The following NGEF variants were observed in gnomAD, a reference collection of about 807,000 sequenced individuals.
The protein encoded by NGEF is neuronal guanine nucleotide exchange factor.
Under a neutral mutation model 80.9 loss-of-function variants are expected in NGEF, and 31 were observed. The observed-to-expected ratio is 0.38, with a 90% CI of 0.29 to 0.52. The LOEUF (loss-of-function observed/expected upper bound fraction) is 0.52. Ranked by LOEUF, NGEF falls within the 20% of genes least tolerant of loss-of-function variation. The probability of loss-of-function intolerance (pLI) is 0.84; values close to 1 mark genes in which losing one functional copy is unlikely to be tolerated. For missense variants in NGEF, 709 were observed against 926.2 expected (o/e 0.77, Z 3.04); for synonymous variants, 371 against 370.2 (o/e 1.00, Z -0.03).
rs1017934677 is a variant in NGEF at position 232,892,624 on chromosome 2, C to T, written c.1142+274G>A. Among the ~76,000 whole-genome samples the T allele has an allele frequency of 6.6e-6, 1 of 152,200 alleles. No individual in the cohort carries two copies. The highest frequency in any genetic ancestry group is 1.5e-5 in the Non-Finnish European group (1 of 68,036). On this transcript the variant is annotated intron_variant, in intron 7 of 14. Transcript: ENST00000264051. This position sits in a 1 kb window ranked among gnomAD's most constrained non-coding sequence, Gnocchi z 4.0. ...TTTTCTAACTGCACAGTGCTCTGCT[C>T]AGCCATTGGATCCAGGTCCAGTGGA...
chr2:232,993,104 TAA>T (rs774631664), intron 1 of NGEF, among the ~76,000 whole-genome samples: 25,160 of 59,072 alleles, frequency 0.43, 3,460 homozygotes, highest in Non-Finnish European at 0.49. Context: ...TATAAATAAA[TAA>T]ATATATATAT....
intron 5 of NGEF, among the ~76,000 whole-genome samples, chr2:232,902,333 AGAGCCC>A (rs1033948618): frequency 1.3e-5 from 2 of 152,248 alleles, no homozygotes; most frequent in Non-Finnish European, 2.9e-5. Flanking sequence ...CTCCAGAGCC[AGAGCCC>A]GAGCCCAGCC....
At chr2:232,919,436 A>G (rs1692887021) in intron 5 of NGEF, among the ~76,000 whole-genome samples, 1 of 151,942 alleles carries the variant, frequency 6.6e-6, no homozygotes. Context: ...TTAAAAACCA[A>G]ATCTCTTTTT....
At chr2:232,958,115 G>C (rs1056582587) in intron 3 of NGEF, among the ~76,000 whole-genome samples, 2 of 152,182 alleles carry the variant, frequency 1.3e-5, no homozygotes, top group African/African-American at 2.4e-5. Context: ...GCCAGTGATG[G>C]GACCTCAGCT....
intron 3 of NGEF, among the ~76,000 whole-genome samples, chr2:232,935,330 A>G (rs1693306978): frequency 2.0e-5 from 3 of 152,226 alleles, no homozygotes; most frequent in African/African-American, 7.2e-5. Flanking sequence ...TTAGAAACTC[A>G]AGACCTGCCA....
intron 12 of NGEF, among the ~76,000 whole-genome samples, chr2:232,882,864 C>T (rs913132771): frequency 2.6e-5 from 4 of 152,182 alleles, no homozygotes; most frequent in Non-Finnish European, 4.4e-5. Context: ...GCTTGTCCCT[C>T]GTGGGGGGCC....
chr2:232,993,533 A>T (rs571509132), intron 1 of NGEF, among the ~76,000 whole-genome samples: 12 of 152,276 alleles, frequency 7.9e-5, no homozygotes, highest in African/African-American at 2.9e-4. Flanking sequence ...GATCAAACAT[A>T]GAGTTACCAT....
At chr2:232,882,140 G>A in intron 13 of NGEF, 46 bp downstream of exon 13, 1 of 1,566,092 alleles carries the variant, frequency 6.4e-7, no homozygotes, top group Admixed American at 1.7e-5. Flanking sequence ...ATCCGGCAGG[G>A]CCAGCCCAAG....
chr2:232,880,420 G>C (rs992024334), intron 14 of NGEF, among the ~76,000 whole-genome samples: 5 of 152,242 alleles, frequency 3.3e-5, no homozygotes, highest in African/African-American at 1.2e-4. Context: ...CATGGGAAGA[G>C]GGCAGGAGAG....
intron 1 of NGEF, among the ~76,000 whole-genome samples, chr2:232,989,171 G>C (rs957255845): frequency 6.6e-6 from 1 of 152,170 alleles, no homozygotes; most frequent in Non-Finnish European, 1.5e-5. Flanking sequence ...ATGTCGGCCA[G>C]GTGCGGTGGC....
chr2:232,879,487 G>A lies in NGEF; in HGVS notation c.*2C>T, dbSNP rs1691418281. ...TGCTCCCGCTGGCCCCCTGGGTGGG[G>A]GTCATTGCCGATTCCGGCTGCCCAG... On this transcript the variant is annotated 3_prime_UTR_variant, in exon 15 of 15. Transcript: ENST00000264051. 1 of 1,606,248 alleles carries A rather than the reference G, an allele frequency of 6.2e-7. No homozygotes were observed. The highest frequency in any genetic ancestry group is 1.3e-5 in the African/African-American group (1 of 74,802).
intron 1 of NGEF, among the ~76,000 whole-genome samples, chr2:232,980,408 C>A (rs776291419): frequency 1.3e-5 from 2 of 152,130 alleles, no homozygotes; most frequent in African/African-American, 2.4e-5. Context: ...TAGACTGGAT[C>A]TCATCCAAGT....
At chr2:232,928,962 G>A (rs1477796438) in intron 3 of NGEF, among the ~76,000 whole-genome samples, 1 of 152,098 alleles carries the variant, frequency 6.6e-6, no homozygotes, top group African/African-American at 2.4e-5. Flanking sequence ...GCCGCCCTCT[G>A]CTCAGGGATC....
chr2:232,959,098 A>G (rs1319033822), intron 3 of NGEF, among the ~76,000 whole-genome samples: 2 of 152,186 alleles, frequency 1.3e-5, no homozygotes, highest in Non-Finnish European at 2.9e-5. Flanking sequence ...TTTAAAAGAG[A>G]TTCAGATAGA....
rs188088099 is a variant in NGEF, at chr2:232,924,476, T to G, written c.526+2568A>C. 3.9e-5 allele frequency among the ~76,000 whole-genome samples: 6 copies of G among 152,056 alleles called. No individual in the cohort carries two copies. In the South Asian group the frequency reaches 1.2e-3, roughly 32 times the overall value. ...GTATATGGTATCTTGTTACAGCAAC[T>G]GGAACAGATTAAGATACTGGCCAAG... On this transcript the variant is annotated intron_variant, in intron 4 of 14. Transcript: ENST00000264051.
At chr2:232,943,921 T>C (rs2106299391) in intron 3 of NGEF, among the ~76,000 whole-genome samples, 2 of 152,098 alleles carry the variant, frequency 1.3e-5, no homozygotes, top group South Asian at 4.2e-4. Context: ...AGAAGGGAAT[T>C]TGACACTAAG....
intron 4 of NGEF, among the ~76,000 whole-genome samples, chr2:232,923,090 AAACAAC>A (rs768597546): frequency 1.3e-4 from 20 of 149,084 alleles, no homozygotes; most frequent in Admixed American, 9.2e-4. Context: ...AACAAAAAAC[AAACAAC>A]AACAACAACA....
At chr2:232,962,545 T>G (rs1020993184) in intron 3 of NGEF, among the ~76,000 whole-genome samples, 1 of 151,860 alleles carries the variant, frequency 6.6e-6, no homozygotes, top group Admixed American at 6.6e-5. Flanking sequence ...TGAGACTCCA[T>G]CTCAAAAAGA....
intron 14 of NGEF, among the ~76,000 whole-genome samples, chr2:232,880,316 G>A (rs1178309554): frequency 1.3e-5 from 2 of 152,216 alleles, no homozygotes; most frequent in Non-Finnish European, 2.9e-5. Context: ...AGAGTTTGTG[G>A]CCGATCTGTA....
Sources: allele counts gnomAD v4.1 joint callset (sites outside exome capture counted in the v4.1 genomes callset), GRCh38; gene constraint gnomAD v4.1.1; non-coding constraint Gnocchi (gnomAD v3.1); transcripts MANE v1.5; gene names NCBI Gene and HGNC (gene_info 2026-07-23, HGNC 2026-07-21).